Variants in HIVEP2 observed in about 807,000 individuals in gnomAD.
HIVEP2 encodes HIVEP zinc finger 2.
Under a neutral mutation model 180.7 loss-of-function variants are expected in HIVEP2, and 14 were observed. That is an observed-to-expected ratio of 0.08 (90% confidence interval 0.05 to 0.12). The LOEUF is 0.12. HIVEP2 is among the 10% of genes least tolerant of loss of function. The pLI, the probability that HIVEP2 is intolerant of heterozygous loss-of-function variation, is 1.00. For missense variants in HIVEP2, 2,579 were observed against 3,008.5 expected (o/e 0.86, Z 3.34); for synonymous variants, 1,184 against 1,136.4 (o/e 1.04, Z -0.84).
Position 142,783,326 on chromosome 6 carries a change from CAAAAAAAAAAAA to C in HIVEP2, c.-433+183_-433+194del, listed in dbSNP as rs567202980. ...CTAGCGACAGAGCAAGACTCCGTCA[CAAAAAAAAAAAA>C]AAAAAAAAAAAAAGACTAGTCTACT... is the stretch of plus-strand genomic sequence containing the variant. On this transcript the variant is annotated intron_variant, in intron 3 of 9. Transcript: ENST00000367603. Among the ~76,000 whole-genome samples the C allele has an allele frequency of 1.7e-3, 121 of 71,048 alleles. 1 individual carries two copies. Among genetic ancestry groups the C allele is most frequent in the Non-Finnish European group, 2.2e-3 (90 of 40,338 alleles). 46.6% of individuals were successfully genotyped at this position (71,048 alleles called of 152,430 possible).
intron 9 of HIVEP2, among the ~76,000 whole-genome samples, chr6:142,755,253 T>A (rs1775035213): frequency 6.6e-6 from 1 of 152,204 alleles, no homozygotes; most frequent in South Asian, 2.1e-4. Context: ...AACGGTGCAA[T>A]CATTAACACT....
At chr6:142,825,531 CTTA>C (rs1287050261) in intron 2 of HIVEP2, among the ~76,000 whole-genome samples, 7 of 152,112 alleles carry the variant, frequency 4.6e-5, no homozygotes, top group Admixed American at 2.6e-4. Context: ...TTAGAAATCT[CTTA>C]TTAAGGTTTT....
chr6:142,786,387 C>A (rs888248845), intron 2 of HIVEP2, among the ~76,000 whole-genome samples: 2 of 152,058 alleles, frequency 1.3e-5, no homozygotes, highest in African/African-American at 2.4e-5. Context: ...TGATAAAAAT[C>A]CAAAGGTCAT....
chr6:142,848,038 T>G (rs1430513909), intron 1 of HIVEP2, among the ~76,000 whole-genome samples: 1 of 152,218 alleles, frequency 6.6e-6, no homozygotes, highest in African/African-American at 2.4e-5. Flanking sequence ...TAAGACTTCT[T>G]ATATTTAACA....
At chr6:142,937,946 G>A (rs528075026) in intron 1 of HIVEP2, among the ~76,000 whole-genome samples, 3 of 152,254 alleles carry the variant, frequency 2.0e-5, no homozygotes, top group South Asian at 2.1e-4. Flanking sequence ...TCCTTCTAAC[G>A]GATTTGCTAA....
chr6:142,837,244 T>C (rs527710295), intron 1 of HIVEP2, among the ~76,000 whole-genome samples, 197 bp from the exon 2 acceptor site: 30 of 152,218 alleles, frequency 2.0e-4, no homozygotes, highest in African/African-American at 7.0e-4. Context: ...GTAAAATGAA[T>C]GTTCAAGCAT....
At chr6:142,796,075 T>G (rs1014997099) in intron 2 of HIVEP2, among the ~76,000 whole-genome samples, 3 of 151,736 alleles carry the variant, frequency 2.0e-5, no homozygotes, top group Non-Finnish European at 4.4e-5. Flanking sequence ...GTAGTAGATA[T>G]ATTGCTGTTG....
intron 1 of HIVEP2, among the ~76,000 whole-genome samples, chr6:142,881,204 C>T (rs1029884766): frequency 2.0e-5 from 3 of 152,118 alleles, no homozygotes; most frequent in Non-Finnish European, 4.4e-5. Flanking sequence ...ACCTAAATAA[C>T]AGAAGGAAAC....
rs142058776 is a variant in HIVEP2, at chr6:142,848,371, T to G, written c.-640-11324A>C. Among the ~76,000 whole-genome samples the G allele has an allele frequency of 2.8e-3, 424 of 152,268 alleles. 2 individuals are homozygous for G. The highest frequency in any genetic ancestry group is 8.2e-3 in the African/African-American group (342 of 41,544). ...TTTTCCTGACACACACAGCTGTATTTGGAAGTGTAGAAGAAATAGGGAGGA... is the reference window on the plus strand; with the variant it reads ...TTTTCCTGACACACACAGCTGTATTGGGAAGTGTAGAAGAAATAGGGAGGA... On this transcript the variant is annotated intron_variant, in intron 1 of 9. Transcript: ENST00000367603.
chr6:142,783,350 A>AAAAAAAAAAAC (rs1775905305), intron 3 of HIVEP2, among the ~76,000 whole-genome samples, 171 bp downstream of exon 3: 1 of 146,796 alleles, frequency 6.8e-6, no homozygotes, highest in African/African-American at 2.5e-5. Flanking sequence ...AAAAAAAAAA[A>AAAAAAAAAAAC]AGACTAGTCT....
At position 142,771,315 on chromosome 6, in the gene HIVEP2, G is replaced by A. The variant is rs753286071; in HGVS notation, c.3424C>T (p.Pro1142Ser). 8.1e-6 allele frequency: 13 copies of A among 1,613,308 alleles called. No homozygotes were observed. Among genetic ancestry groups the A allele is most frequent in the Non-Finnish European group, 1.1e-5 (13 of 1,180,014 alleles). Reference sequence around the variant, plus strand: ...GGCCCCGAGCTCAGCGGGGGACAAGGACCCGCCACCTGCTTCCCTGGGTCC... The same window carrying A: ...GGCCCCGAGCTCAGCGGGGGACAAGAACCCGCCACCTGCTTCCCTGGGTCC... ...QEDPGKQVAG[P>S]CPPLSSGPLH... is the part of the protein sequence containing the mutation. Residue 1142 changes from proline to serine, a missense_variant, in exon 5 of 10, where the codon CCT becomes TCT. Pro to Ser is a moderately conservative substitution (Grantham distance 74). Around this residue, in one of 11 missense-constraint regions of HIVEP2, gnomAD observed 523 missense variants for 577.0 expected, o/e 0.91. Coordinates refer to ENST00000367603, the MANE Select transcript of HIVEP2 (RefSeq NM_006734.4). This position sits in a 1 kb window ranked among gnomAD's most constrained non-coding sequence, Gnocchi z 5.4.
intron 2 of HIVEP2, among the ~76,000 whole-genome samples, chr6:142,802,135 G>A (rs916120533): frequency 6.6e-6 from 1 of 152,156 alleles, no homozygotes; most frequent in South Asian, 2.1e-4. Flanking sequence ...ATAGATGGGT[G>A]GCTCCATACT....
chr6:142,863,763 T>C (rs1237125237), intron 1 of HIVEP2, among the ~76,000 whole-genome samples: 1 of 152,218 alleles, frequency 6.6e-6, no homozygotes. Context: ...CCCTGCTCTG[T>C]ATGAATCTCT....
intron 2 of HIVEP2, among the ~76,000 whole-genome samples, chr6:142,829,137 A>T (rs1213134169): frequency 1.3e-5 from 2 of 152,146 alleles, no homozygotes; most frequent in Admixed American, 1.3e-4. Context: ...CAATCATGTG[A>T]TTCCTTAGCT....
At chr6:142,826,706 G>A (rs1774913202) in intron 2 of HIVEP2, among the ~76,000 whole-genome samples, 1 of 152,160 alleles carries the variant, frequency 6.6e-6, no homozygotes, top group Non-Finnish European at 1.5e-5. Flanking sequence ...CTAGCAGGCT[G>A]AGCACATTTT....
Position 142,768,450 on chromosome 6 carries a change from A to G in HIVEP2, c.5274T>C (p.Asp1758=), listed in dbSNP as rs1350903717. Residue 1758 remains aspartate, a synonymous_variant, in exon 6 of 10, where the codon GAT becomes GAC. Transcript: ENST00000367603. ...GNILKERGKG[D]IHGDKDIGSK... ...ATCCAATATCTTTATCTCCATGAAT[A>G]TCTCCTTTCCCTCTTTCCTTTAAGA... 2 of 1,612,884 alleles carry G rather than the reference A, an allele frequency of 1.2e-6. No individual in the cohort carries two copies. The highest frequency in any genetic ancestry group is 8.5e-7 in the Non-Finnish European group (1 of 1,179,160).
intron 2 of HIVEP2, among the ~76,000 whole-genome samples, chr6:142,821,504 T>C (rs1777038660): frequency 6.6e-6 from 1 of 152,194 alleles, no homozygotes; most frequent in Non-Finnish European, 1.5e-5. Flanking sequence ...AACCTCTCCG[T>C]GCCTCAGTCT....
rs370817546 is a variant in HIVEP2 at position 142,773,394 on chromosome 6, C to A, written c.1345G>T (p.Ala449Ser). 11 of 1,614,054 alleles carry A rather than the reference C, an allele frequency of 6.8e-6. No individual in the cohort carries two copies. The highest frequency in any genetic ancestry group is 1.3e-5 in the African/African-American group (1 of 74,910). The change falls in exon 5 of 10, where the codon GCA becomes TCA. Residue 449 changes from alanine (A) to serine (S), a missense_variant. Ala to Ser is a moderately conservative substitution (Grantham distance 99, BLOSUM62 1). This residue lies in a region of HIVEP2 where 524 missense variants were observed against 563.6 expected (regional missense o/e 0.93). Transcript: ENST00000367603. ...TCCATTATGCCCTTCCTACCCATTG[C>A]GGCACGCTCCTGACTTGTGGTTGTA... is the stretch of plus-strand genomic sequence containing the variant. Reference protein sequence around the residue: ...SVTTTSQERAAMGRKGIMEPL... With the variant: ...SVTTTSQERASMGRKGIMEPL...
intron 2 of HIVEP2, among the ~76,000 whole-genome samples, chr6:142,808,039 G>A (rs1318665573): frequency 2.0e-5 from 3 of 152,126 alleles, no homozygotes; most frequent in Non-Finnish European, 2.9e-5. Context: ...CTATCACTTA[G>A]GGCCCTCCAG....
Sources: gnomAD v4.1 joint callset for allele counts (sites outside exome capture counted in the v4.1 genomes callset) on GRCh38, gnomAD v4.1.1 for gene constraint, gnomAD v4.1.1 regional missense constraint, Gnocchi (gnomAD v3.1) non-coding constraint, MANE v1.5 for transcripts, NCBI Gene and HGNC (gene_info 2026-07-23, HGNC 2026-07-21) for gene names.